URI1: variants seen among roughly 807,000 people sequenced by gnomAD.
The protein encoded by URI1 is URI1 prefoldin like chaperone, also known as unconventional prefoldin RPB5 interactor 1.
In URI1, 39 loss-of-function variants were observed where a neutral mutation model predicts 60.2. The ratio of observed to expected loss-of-function variants is 0.65; its 90% CI spans 0.50 to 0.85. The LOEUF is 0.85. Among genes scored for constraint, URI1 ranks in the 40% least tolerant of loss-of-function variants. The probability of loss-of-function intolerance (pLI) is 0.00; values close to 1 mark genes in which losing one functional copy is unlikely to be tolerated. For missense variants in URI1, 691 were observed against 665.9 expected, an observed-to-expected ratio of 1.04 and a Z score of -0.42; for synonymous variants, 251 against 236.8, an observed-to-expected ratio of 1.06 and a Z score of -0.55.
intron 4 of URI1, among the ~76,000 whole-genome samples, chr19:30,002,528 C>T (rs1053416871): frequency 6.6e-6 from 1 of 151,836 alleles, no homozygotes; most frequent in Non-Finnish European, 1.5e-5. Context: ...AACCTGCAGC[C>T]TGGTTTTGTC....
At chr19:29,999,043 C>A (rs982872582) in intron 4 of URI1, among the ~76,000 whole-genome samples, 1 of 152,000 alleles carries the variant, frequency 6.6e-6, no homozygotes, top group Non-Finnish European at 1.5e-5. Flanking sequence ...TGAATTTATA[C>A]CAACTTAACT....
intron 4 of URI1, among the ~76,000 whole-genome samples, chr19:29,993,700 C>T (rs752565702): frequency 5.3e-5 from 8 of 151,936 alleles, no homozygotes; most frequent in Non-Finnish European, 1.0e-4. Flanking sequence ...TATATATGGA[C>T]ATGATACAAA....
intron 1 of URI1, among the ~76,000 whole-genome samples, chr19:29,924,587 C>T (rs531055471): frequency 6.6e-6 from 1 of 152,192 alleles, no homozygotes; most frequent in Non-Finnish European, 1.5e-5. Context: ...TGTCTCCCAG[C>T]TCTAGGAGAG....
intron 1 of URI1, among the ~76,000 whole-genome samples, chr19:29,968,580 T>C (rs1041323386): frequency 1.4e-5 from 2 of 138,132 alleles, no homozygotes; most frequent in African/African-American, 2.7e-5. Flanking sequence ...TTTTTTTTTT[T>C]TTTTTTTTTG....
intron 2 of URI1, among the ~76,000 whole-genome samples, chr19:29,972,804 G>A (rs1224710160): frequency 6.6e-6 from 1 of 152,040 alleles, no homozygotes; most frequent in Non-Finnish European, 1.5e-5. Context: ...TTTACTTCAT[G>A]GCAGGTTCAT....
chr19:29,994,821 C>G (rs1348943396), intron 4 of URI1, among the ~76,000 whole-genome samples: 2 of 149,288 alleles, frequency 1.3e-5, no homozygotes, highest in Non-Finnish European at 3.0e-5. Flanking sequence ...CACTCTGTTG[C>G]CCAGGCTGGG....
chr19:29,990,188 G>T (rs1279602978), intron 4 of URI1, among the ~76,000 whole-genome samples: 1 of 152,028 alleles, frequency 6.6e-6, no homozygotes, highest in Non-Finnish European at 1.5e-5. Flanking sequence ...AAAATGAATT[G>T]GCAACAAGAC....
chr19:29,964,452 G>GTTTTTTTTTTTTTTTTTTTTTT (rs1380907956), intron 1 of URI1, among the ~76,000 whole-genome samples: 2 of 137,300 alleles, frequency 1.5e-5, no homozygotes, highest in African/African-American at 5.5e-5. Flanking sequence ...TTTTGTTTTT[G>GTTTTTTTTTTTTTTTTTTTTTT]TTTTTTGTTT....
upstream of URI1, among the ~76,000 whole-genome samples, chr19:29,941,190 T>G (rs989715896): frequency 6.6e-6 from 1 of 152,146 alleles, no homozygotes; most frequent in Admixed American, 6.5e-5. Flanking sequence ...CTGTATGATG[T>G]GGAACGAACA....
At chr19:30,009,478 T>C in intron 8 of URI1, 125 bp downstream of exon 8, 1 of 980,544 alleles carries the variant, frequency 1.0e-6, no homozygotes, top group South Asian at 1.7e-5. Flanking sequence ...GAAAATCATC[T>C]TTTGCCTCTT....
intron 1 of URI1, among the ~76,000 whole-genome samples, chr19:29,970,784 G>A (rs2055449440): frequency 6.6e-6 from 1 of 151,966 alleles, no homozygotes; most frequent in Non-Finnish European, 1.5e-5. Context: ...TGTCACTACA[G>A]TCATTTTTTT....
At chr19:30,006,672 A>G (rs896896631) in intron 6 of URI1, among the ~76,000 whole-genome samples, 2 of 152,172 alleles carry the variant, frequency 1.3e-5, no homozygotes, top group African/African-American at 4.8e-5. Context: ...AAATTTGAAT[A>G]TATGATGGAC....
chr19:29,967,170 T>G (rs563137233), intron 1 of URI1, among the ~76,000 whole-genome samples: 16 of 152,220 alleles, frequency 1.1e-4, no homozygotes, highest in Non-Finnish European at 2.4e-4. Flanking sequence ...GAACAACAGC[T>G]AAGAAATTAT....
At chr19:29,937,730 T>C (rs1351949732), upstream of URI1, 3 of 152,178 alleles carry the variant, frequency 2.0e-5, no homozygotes, top group Non-Finnish European at 4.4e-5. Flanking sequence ...GATGCTGCCA[T>C]AGGAAGCACA....
At chr19:29,954,474 A>G (rs1568414238) in intron 1 of URI1, among the ~76,000 whole-genome samples, 1 of 149,274 alleles carries the variant, frequency 6.7e-6, no homozygotes, top group Admixed American at 6.7e-5. Context: ...ATTCTGATTC[A>G]TTCCCATTCC....
chr19:29,952,939 C>G (rs1261581484), intron 1 of URI1, among the ~76,000 whole-genome samples: 1 of 152,172 alleles, frequency 6.6e-6, no homozygotes, highest in African/African-American at 2.4e-5. Context: ...GGTGTCATAT[C>G]TAAGAATCCA....
chr19:29,925,768 G>A (rs878914543), intron 1 of URI1: 1 of 152,312 alleles, frequency 6.6e-6, no homozygotes, highest in African/African-American at 2.4e-5. Flanking sequence ...TTTGAATGGT[G>A]TTGGGGGTGG....
chr19:29,958,884 C>T (rs1006994099), intron 1 of URI1, among the ~76,000 whole-genome samples: 1 of 151,384 alleles, frequency 6.6e-6, no homozygotes, highest in South Asian at 2.1e-4. Context: ...TGCTTGAACC[C>T]GGGAGGTGGA....
At chr19:29,944,351 G>C (rs1322129593) in intron 1 of URI1, among the ~76,000 whole-genome samples, 2 of 150,828 alleles carry the variant, frequency 1.3e-5, no homozygotes, top group African/African-American at 4.9e-5. Flanking sequence ...ATGTGACACA[G>C]ACCCTCAGAG....
Sources: gnomAD v4.1 joint callset for allele counts (sites outside exome capture counted in the v4.1 genomes callset) on GRCh38, gnomAD v4.1.1 for gene constraint, MANE v1.5 for transcripts, NCBI Gene and HGNC (gene_info 2026-07-23, HGNC 2026-07-21) for gene names.